KCNC2: variants seen among roughly 807,000 people sequenced by gnomAD.
KCNC2 encodes the protein potassium voltage-gated channel subfamily C member 2, also known as voltage-gated potassium channel KCNC2.
A neutral mutation model predicts 44.5 loss-of-function variants in KCNC2; 21 were observed. The ratio of observed to expected loss-of-function variants is 0.47; its 90% CI spans 0.33 to 0.68. KCNC2 has a LOEUF of 0.68. Among genes scored for constraint, KCNC2 ranks in the 30% least tolerant of loss-of-function variants. The pLI is 0.01. For missense variants in KCNC2, 589 were observed against 826.2 expected (o/e 0.71, Z 3.52); for synonymous variants, 391 against 339.1 (o/e 1.15, Z -1.68).
intron 2 of KCNC2, among the ~76,000 whole-genome samples, chr12:75,138,979 T>TAAAAGAAAAAAAAAAAA (rs1889438206): frequency 1.3e-5 from 1 of 77,928 alleles, no homozygotes; most frequent in African/African-American, 5.4e-5. Flanking sequence ...AGACTCCGTG[T>TAAAAGAAAAAAAAAAAA]AAAAAAAAAA....
At position 75,198,615 on chromosome 12, in the gene KCNC2, C is replaced by CATTTT. The variant is rs2030975684; in HGVS notation, c.687+8681_687+8682insAAAAT. Among the ~76,000 whole-genome samples, 8 of 151,890 alleles carry CATTTT rather than the reference C, an allele frequency of 5.3e-5. No homozygotes were observed. In the South Asian group the frequency reaches 1.7e-3, roughly 31 times the overall value. Reference sequence around the variant, plus strand: ...TACTACTTTTATCTAAAAATTAATACATCAACATCGGTAAGGAAGTTTGTT... The same window carrying CATTTT: ...TACTACTTTTATCTAAAAATTAATACATTTTATCAACATCGGTAAGGAAGTTTGTT... On this transcript the variant is annotated intron_variant, in intron 2 of 4. Coordinates refer to ENST00000549446, the MANE Select transcript of KCNC2 (RefSeq NM_139137.4).
chr12:75,056,867 GAAC>G (rs1881799284), intron 2 of KCNC2, among the ~76,000 whole-genome samples: 1 of 151,982 alleles, frequency 6.6e-6, no homozygotes, highest in South Asian at 2.1e-4. Flanking sequence ...AATGACTGCA[GAAC>G]AACAATATGC....
chr12:75,199,459 A>G (rs2031056728), intron 2 of KCNC2, among the ~76,000 whole-genome samples: 1 of 151,882 alleles, frequency 6.6e-6, no homozygotes, highest in African/African-American at 2.4e-5. Context: ...AACATTACCC[A>G]TAACATTTTG....
At chr12:75,149,718 T>G (rs1289004767) in intron 2 of KCNC2, among the ~76,000 whole-genome samples, 1 of 151,530 alleles carries the variant, frequency 6.6e-6, no homozygotes, top group Non-Finnish European at 1.5e-5. Context: ...AGGATCTTAA[T>G]TACCTGCTTT....
intron 2 of KCNC2, among the ~76,000 whole-genome samples, chr12:75,188,608 T>G (rs759697217): frequency 7.6e-6 from 1 of 131,490 alleles, no homozygotes; most frequent in Non-Finnish European, 1.5e-5. Context: ...ACACCTGTAA[T>G]CCCAGCACTT....
chr12:75,086,699 T>A (rs181314502), intron 2 of KCNC2, among the ~76,000 whole-genome samples: 1 of 138,876 alleles, frequency 7.2e-6, no homozygotes, highest in Admixed American at 7.2e-5. Context: ...TATATATATA[T>A]ACACACACAT....
chr12:75,097,320 T>C (rs992791216), intron 2 of KCNC2, among the ~76,000 whole-genome samples: 3 of 152,104 alleles, frequency 2.0e-5, no homozygotes, highest in Admixed American at 6.6e-5. Context: ...GATTCTGTAA[T>C]TGTGAATACC....
chr12:75,176,662 A>G (rs991470047), intron 2 of KCNC2, among the ~76,000 whole-genome samples: 3 of 151,904 alleles, frequency 2.0e-5, no homozygotes, highest in Non-Finnish European at 4.4e-5. Context: ...TCTCTCCTTC[A>G]GTTAATAATA....
chr12:75,144,751 T>C (rs1750880310), intron 2 of KCNC2, among the ~76,000 whole-genome samples: 1 of 152,060 alleles, frequency 6.6e-6, no homozygotes, highest in South Asian at 2.1e-4. Flanking sequence ...TTGTAAATAC[T>C]TCATTAACGT....
intron 2 of KCNC2, among the ~76,000 whole-genome samples, chr12:75,205,371 T>C (rs935477861): frequency 7.2e-5 from 5 of 69,826 alleles, no homozygotes; most frequent in African/African-American, 3.0e-4. Flanking sequence ...TTTGACCTTG[T>C]TTTAATCTCA....
chr12:75,086,675 AAAAAAAATATATAT>A lies in KCNC2; in HGVS notation c.688-35372_688-35359del, dbSNP rs1361276761. Among the ~76,000 whole-genome samples the A allele has an allele frequency of 2.5e-3, 191 of 76,718 alleles. 1 individual carries two copies. Among genetic ancestry groups the A allele is most frequent in the African/African-American group, 0.015 (172 of 11,584 alleles). 50.3% of individuals were successfully genotyped at this position (76,718 alleles called of 152,430 possible). On this transcript the variant is annotated intron_variant, in intron 2 of 4. Coordinates refer to ENST00000549446, the MANE Select transcript of KCNC2 (RefSeq NM_139137.4). ...GTTCATTTGGCAAAAAAAAAAAAAA[AAAAAAAATATATAT>A]ATATATATATACACACACATATTTA...
chr12:75,160,051 A>T (rs1482103898), intron 2 of KCNC2, among the ~76,000 whole-genome samples: 1 of 151,864 alleles, frequency 6.6e-6, no homozygotes, highest in Admixed American at 6.6e-5. Context: ...TGCCCTCACA[A>T]AATCCATTTG....
intron 2 of KCNC2, among the ~76,000 whole-genome samples, chr12:75,173,454 A>C (rs909099715): frequency 6.6e-6 from 1 of 151,826 alleles, no homozygotes; most frequent in Non-Finnish European, 1.5e-5. Flanking sequence ...TACACTTTCC[A>C]CTACTCCATA....
intron 2 of KCNC2, among the ~76,000 whole-genome samples, chr12:75,182,520 CA>C (rs71438888): frequency 0.41 from 33,128 of 80,854 alleles, 3,848 homozygotes; most frequent in African/African-American, 0.52. Context: ...GATTCCGTCT[CA>C]AAAAAAAAAA....
chr12:75,066,123 G>A (rs936113819), intron 2 of KCNC2, among the ~76,000 whole-genome samples: 7 of 152,020 alleles, frequency 4.6e-5, no homozygotes, highest in African/African-American at 1.7e-4. Context: ...ATTTTTCACC[G>A]TCTTCTTTAT....
intron 2 of KCNC2, among the ~76,000 whole-genome samples, chr12:75,196,474 A>T (rs1020368438): frequency 2.6e-5 from 4 of 152,072 alleles, no homozygotes; most frequent in Non-Finnish European, 5.9e-5. Flanking sequence ...GAATAATAGC[A>T]ATGATAATGT....
chr12:75,138,461 A>AT (rs774468184), intron 2 of KCNC2, among the ~76,000 whole-genome samples: 1 of 152,192 alleles, frequency 6.6e-6, no homozygotes, highest in Non-Finnish European at 1.5e-5. Flanking sequence ...AAAAATAAAT[A>AT]TTTTTTAAAA....
intron 2 of KCNC2, among the ~76,000 whole-genome samples, chr12:75,157,677 A>T (rs1486648721): frequency 6.6e-6 from 1 of 151,866 alleles, no homozygotes. Flanking sequence ...CATGTGATGG[A>T]AAAAGCTTTA....
chr12:75,093,786 C>T (rs887878885), intron 2 of KCNC2, among the ~76,000 whole-genome samples: 2 of 151,542 alleles, frequency 1.3e-5, no homozygotes, highest in Non-Finnish European at 3.0e-5. Flanking sequence ...AATATTAGGA[C>T]TAAAATCTTT....
Sources: allele counts gnomAD v4.1 joint callset (sites outside exome capture counted in the v4.1 genomes callset), GRCh38; gene constraint gnomAD v4.1.1; transcripts MANE v1.5; gene names NCBI Gene and HGNC (gene_info 2026-07-23, HGNC 2026-07-21).